IGSF5: variants seen among roughly 807,000 people sequenced by gnomAD.
The protein encoded by IGSF5 is immunoglobulin superfamily 5 like.
In IGSF5, 41 loss-of-function variants were observed where a neutral mutation model predicts 39.4. The observed-to-expected ratio is 1.04, with a 90% CI of 0.81 to 1.35. IGSF5 has a LOEUF of 1.35. Among genes scored for constraint, IGSF5 ranks in the 40% most tolerant of loss-of-function variants. The pLI is 0.00. For synonymous variants in IGSF5, 183 were observed against 175.3 expected (o/e 1.04, Z -0.34); for missense variants, 487 against 494.6 (o/e 0.98, Z 0.15).
chr21:39,745,139 G>GTC (rs1163600364), upstream of IGSF5, among the ~76,000 whole-genome samples: 139 of 145,698 alleles, frequency 9.5e-4, no homozygotes, highest in Non-Finnish European at 1.6e-3. Flanking sequence ...CTGCCTCTCT[G>GTC]TCTCTCTCTC....
chr21:39,777,269 G>A (rs905310029), intron 4 of IGSF5, among the ~76,000 whole-genome samples: 2 of 152,154 alleles, frequency 1.3e-5, no homozygotes, highest in African/African-American at 4.8e-5. Context: ...CTGTCATGTC[G>A]TGGGTAGCTT....
chr21:39,767,297 G>C (rs934975453), intron 3 of IGSF5, among the ~76,000 whole-genome samples: 2 of 152,166 alleles, frequency 1.3e-5, no homozygotes, highest in African/African-American at 4.8e-5. Context: ...TGGGTTTGTT[G>C]TGTGGATCAG....
intron 2 of IGSF5, among the ~76,000 whole-genome samples, chr21:39,754,317 A>C (rs1258429349): frequency 6.6e-6 from 1 of 152,236 alleles, no homozygotes; most frequent in Non-Finnish European, 1.5e-5. Context: ...ATAGGACTTC[A>C]ATCCCTTCTG....
At chr21:39,758,120 T>C (rs780816332) in intron 2 of IGSF5, among the ~76,000 whole-genome samples, 4 of 152,288 alleles carry the variant, frequency 2.6e-5, no homozygotes, top group East Asian at 1.9e-4. Flanking sequence ...CTGGTCGTCC[T>C]GGCACGTAGG....
chr21:39,778,290 T>C (rs1459886386), intron 4 of IGSF5, among the ~76,000 whole-genome samples: 1 of 152,196 alleles, frequency 6.6e-6, no homozygotes, highest in Non-Finnish European at 1.5e-5. Context: ...GACTCATACT[T>C]TTAATTAACT....
chr21:39,744,661 T>C (rs554706519), upstream of IGSF5, among the ~76,000 whole-genome samples: 33 of 152,370 alleles, frequency 2.2e-4, 1 homozygote, highest in Admixed American at 1.8e-3. Flanking sequence ...AAGGGAATTA[T>C]CAGCGGTTGG....
At chr21:39,736,737 T>C in the IGSF5 span, among the ~76,000 whole-genome samples, 1 of 152,212 alleles carries the variant, frequency 6.6e-6, no homozygotes, top group Non-Finnish European at 1.5e-5. Flanking sequence ...TGCATTGTTG[T>C]TGTAGCACTC....
intron 8 of IGSF5, among the ~76,000 whole-genome samples, chr21:39,794,598 C>T (rs779901130): frequency 2.6e-5 from 4 of 152,094 alleles, no homozygotes; most frequent in Non-Finnish European, 5.9e-5. Context: ...TAACCAACAC[C>T]CTTTTCTGAC....
chr21:39,716,063 C>T, the IGSF5 span, among the ~76,000 whole-genome samples: 1 of 152,186 alleles, frequency 6.6e-6, no homozygotes, highest in Non-Finnish European at 1.5e-5. Flanking sequence ...GTGGGGGCTC[C>T]CATGCACTCA....
chr21:39,735,120 G>A, the IGSF5 span, among the ~76,000 whole-genome samples: 1 of 152,026 alleles, frequency 6.6e-6, no homozygotes, highest in Non-Finnish European at 1.5e-5. Flanking sequence ...ACTTACCTTG[G>A]CCTCCCAAAG....
Position 39,801,698 on chromosome 21 carries a change from C to T in IGSF5, c.*341C>T, listed in dbSNP as rs1020099320. On this transcript the variant is annotated 3_prime_UTR_variant, in exon 9 of 9. Transcript: ENST00000380588. Reference sequence around the variant, plus strand: ...AAAGTCTGTATTCTACCATGCCTTTCAAAAGTTTTTATTATCTGAAAGCAT... The same window carrying T: ...AAAGTCTGTATTCTACCATGCCTTTTAAAAGTTTTTATTATCTGAAAGCAT... The T allele has an allele frequency of 3.9e-5, 7 of 181,318 alleles. No homozygotes were observed. Among genetic ancestry groups the T allele is most frequent in the Admixed American group, 1.2e-4 (2 of 17,346 alleles). 11.2% of individuals were successfully genotyped at this position (181,318 alleles called of 1,614,324 possible).
the IGSF5 span, among the ~76,000 whole-genome samples, chr21:39,719,579 G>T: frequency 6.6e-6 from 1 of 152,048 alleles, no homozygotes; most frequent in African/African-American, 2.4e-5. Context: ...GCTGATAATT[G>T]ATCAGCAGTA....
chr21:39,724,022 C>T, the IGSF5 span, among the ~76,000 whole-genome samples: 22 of 151,338 alleles, frequency 1.5e-4, no homozygotes, highest in South Asian at 6.3e-4. Flanking sequence ...GACAAGATTG[C>T]GCCACTGCAC....
intron 4 of IGSF5, among the ~76,000 whole-genome samples, chr21:39,775,913 C>T (rs1447703342): frequency 6.6e-6 from 1 of 152,174 alleles, no homozygotes; most frequent in Non-Finnish European, 1.5e-5. Context: ...GGAGACAACA[C>T]ATGGCAGGAT....
rs999665291 is a variant in IGSF5, at chr21:39,793,429, C to T, written c.1049-105C>T. 4.1e-5 allele frequency: 32 copies of T among 781,516 alleles called. 1 individual carries two copies. Among genetic ancestry groups the T allele is most frequent in the South Asian group, 1.3e-4 (8 of 60,502 alleles). 48.4% of individuals were successfully genotyped at this position (781,516 alleles called of 1,614,324 possible). A position where few individuals can be genotyped will look rare whatever the true frequency, so the allele number is the denominator to read the frequency against. ...TGTTCATGGTTAAGGATTATGCCAG[C>T]GGTACTACATAAAAGCAAATGTGTT... On this transcript the variant is annotated intron_variant, in intron 7 of 8. Coordinates refer to ENST00000380588, the MANE Select transcript of IGSF5 (RefSeq NM_001080444.2).
rs1449789722 is a variant in IGSF5 at position 39,770,926 on chromosome 21, G to A, written c.429G>A (p.Glu143=). Residue 143 remains glutamate (E), a synonymous_variant, in exon 4 of 9, where the codon GAG becomes GAA. Coordinates refer to ENST00000380588, the MANE Select transcript of IGSF5 (RefSeq NM_001080444.2). ...TCTTTTCTTCTTTAGTTATGGGAGA[G>A]CTGTTCATTCCCAGTGTTAATCTTG... The part of the protein sequence containing the change: ...SAYLTVQVMG[E]LFIPSVNLVV... The A allele has an allele frequency of 1.3e-6, 2 of 1,549,654 alleles. No individual in the cohort carries two copies. The highest frequency in any genetic ancestry group is 1.7e-6 in the Non-Finnish European group (2 of 1,144,432).
At chr21:39,782,612 C>CT (rs997369133) in intron 5 of IGSF5, among the ~76,000 whole-genome samples, 6 of 152,106 alleles carry the variant, frequency 3.9e-5, no homozygotes, top group Admixed American at 1.3e-4. Flanking sequence ...CAGTATTTGT[C>CT]TTTTTAAAAA....
intron 2 of IGSF5, among the ~76,000 whole-genome samples, chr21:39,748,301 CTTTTTTTTTTTTTTT>C (rs60669244): frequency 5.2e-5 from 3 of 58,216 alleles, no homozygotes; most frequent in African/African-American, 1.9e-4. Context: ...AAAACAAGAT[CTTTTTTTTTTTTTTT>C]TTTTTTTTTT....
intron 1 of IGSF5, among the ~76,000 whole-genome samples, 199 bp from the exon 2 acceptor site, chr21:39,746,017 C>T (rs539989844): frequency 8.5e-4 from 130 of 152,204 alleles, no homozygotes; most frequent in African/African-American, 3.0e-3. Context: ...CTTGGCCTCA[C>T]GAATTCCAAG....
Sources: allele counts gnomAD v4.1 joint callset (sites outside exome capture counted in the v4.1 genomes callset), GRCh38; gene constraint gnomAD v4.1.1; transcripts MANE v1.5; gene names NCBI Gene and HGNC (gene_info 2026-07-23, HGNC 2026-07-21).